The following MTMR4 variants were observed in gnomAD, a reference collection of about 807,000 sequenced individuals.
MTMR4 encodes the protein phosphatidylinositol-3,5-bisphosphate 3-phosphatase MTMR4.
Under a neutral mutation model 125.5 loss-of-function variants are expected in MTMR4, and 30 were observed. That is an observed-to-expected ratio of 0.24 (90% CI 0.18 to 0.32). MTMR4 has a LOEUF of 0.32. Ranked by LOEUF, MTMR4 falls within the 10% of genes least tolerant of loss-of-function variation. The pLI is 1.00. For synonymous variants in MTMR4, 498 were observed against 564.5 expected (o/e 0.88, Z 1.67); for missense variants, 1,039 against 1,511.5 (o/e 0.69, Z 5.18).
chr17:58,507,039 G>C (rs1975795459), intron 8 of MTMR4, 84 bp downstream of exon 8: 1 of 1,582,652 alleles, frequency 6.3e-7, no homozygotes. Context: ...CATCTTCCCA[G>C]ACTCTCACTG....
At position 58,508,217 on chromosome 17, in the gene MTMR4, C is replaced by T. The variant is rs776241961; in HGVS notation, c.651G>A (p.Glu217=). 1.9e-6 allele frequency: 3 copies of T among 1,613,928 alleles called. No individual in the cohort carries two copies. Among genetic ancestry groups the T allele is most frequent in the Non-Finnish European group, 8.5e-7 (1 of 1,180,002 alleles). Residue 217 remains glutamate (E), a synonymous_variant, in exon 7 of 18, where the codon GAG becomes GAA. Transcript: ENST00000682306. The surrounding 1 kb of genome is among the most constrained non-coding windows in gnomAD (Gnocchi z 4.8). ...AGCGGAAGGAAGCCACGTTCTCCAGCTCTTTGTCAGTGATCCACACAGGAA... is the reference window on the plus strand; with the variant it reads ...AGCGGAAGGAAGCCACGTTCTCCAGTTCTTTGTCAGTGATCCACACAGGAA... The part of the protein sequence containing the change: ...LLVPVWITDK[E]LENVASFRSW...
intron 14 of MTMR4, among the ~76,000 whole-genome samples, chr17:58,497,861 G>A (rs1821113480): frequency 6.6e-6 from 1 of 152,102 alleles, no homozygotes; most frequent in African/African-American, 2.4e-5. Context: ...CTAGGGATCT[G>A]TATTCTTTTA....
chr17:58,512,301 G>T lies in MTMR4; in HGVS notation c.252+89C>A. ...GCGCCCGGCCTCCAACTTTTTTAAT[G>T]ACATGATCAAGGACAGCCTTGGAAC... is the stretch of plus-strand genomic sequence containing the variant. On this transcript the variant is annotated intron_variant, in intron 3 of 17. Transcript: ENST00000682306. The surrounding 1 kb of genome is among the most constrained non-coding windows in gnomAD (Gnocchi z 4.1). 1 of 1,199,602 alleles carries T rather than the reference G, an allele frequency of 8.3e-7. No homozygotes were observed. The highest frequency in any genetic ancestry group is 1.2e-6 in the Non-Finnish European group (1 of 813,080). 74.3% of individuals were successfully genotyped at this position (1,199,602 alleles called of 1,614,324 possible).
At chr17:58,513,632 C>G (rs914171268) in intron 1 of MTMR4, among the ~76,000 whole-genome samples, 2 of 151,982 alleles carry the variant, frequency 1.3e-5, no homozygotes, top group Non-Finnish European at 2.9e-5. Flanking sequence ...TCCCAACCAC[C>G]AGGGAGGGGA....
At position 58,512,883 on chromosome 17, in the gene MTMR4, T is replaced by C. The variant is rs1333338404; in HGVS notation, c.104A>G (p.Lys35Arg). Reference protein sequence around the residue: ...YIQAKDLFPPKELVKEEENLQ... With the variant: ...YIQAKDLFPPRELVKEEENLQ... ...ATTCTCTTCCTCCTTCACTAGTTCC[T>C]TGGGGGGGAACAGATCCTTGGCTTG... Residue 35 changes from lysine to arginine, a missense_variant, in exon 2 of 18, where the codon AAG becomes AGG. Around this residue, in one of 6 missense-constraint regions of MTMR4, gnomAD observed 202 missense variants for 311.9 expected, o/e 0.65. Coordinates refer to ENST00000682306, the MANE Select transcript of MTMR4 (RefSeq NM_001378067.1). The surrounding 1 kb of genome is among the most constrained non-coding windows in gnomAD (Gnocchi z 4.1). The C allele has an allele frequency of 6.2e-6, 10 of 1,613,042 alleles. No homozygotes were observed. In the East Asian group the frequency reaches 6.7e-5, roughly 11 times the overall value.
chr17:58,501,674 A>G (rs556015589), intron 14 of MTMR4, among the ~76,000 whole-genome samples: 7 of 148,712 alleles, frequency 4.7e-5, no homozygotes, highest in East Asian at 1.9e-4. Context: ...ATATATGTGT[A>G]TATATATATA....
At position 58,512,310 on chromosome 17, in the gene MTMR4, A is replaced by C; in HGVS notation, c.252+80T>G. Reference sequence around the variant, plus strand: ...CTCCAACTTTTTTAATGACATGATCAAGGACAGCCTTGGAACAATCCCACC... The same window carrying C: ...CTCCAACTTTTTTAATGACATGATCCAGGACAGCCTTGGAACAATCCCACC... On this transcript the variant is annotated intron_variant, in intron 3 of 17. Coordinates refer to ENST00000682306, the MANE Select transcript of MTMR4 (RefSeq NM_001378067.1). This position sits in a 1 kb window ranked among gnomAD's most constrained non-coding sequence, Gnocchi z 4.1. The C allele has an allele frequency of 7.9e-7, 1 of 1,263,292 alleles. No individual in the cohort carries two copies. The highest frequency in any genetic ancestry group is 1.9e-4 in the Middle Eastern group (1 of 5,280). The allele number at this position is 1,263,292 out of a possible 1,614,324, so 78.3% of individuals were successfully genotyped here.
At chr17:58,505,015 G>A (rs1469206370) in intron 10 of MTMR4, 41 bp from the exon 11 acceptor site, 2 of 1,552,002 alleles carry the variant, frequency 1.3e-6, no homozygotes, top group Non-Finnish European at 1.7e-6. Context: ...AAAGGGTGCT[G>A]AGGCCACAGC....
intron 14 of MTMR4, 54 bp from the exon 15 acceptor site, chr17:58,496,384 A>G (rs1241530000): frequency 1.4e-6 from 2 of 1,428,720 alleles, no homozygotes; most frequent in Non-Finnish European, 9.5e-7. Flanking sequence ...TTGCAATACA[A>G]TATATGGAAC....
In MTMR4 at chr17:58,495,122, A is replaced by G; in HGVS notation, c.3062T>C (p.Leu1021Pro). ...PLNCPSPVPP[L>P]YLDDDGLPFP... ...GGGGAGTCCATCATCATCCAAATACAGAGGAGGCACTGGAGAAGGGCAGTT... is the reference window on the plus strand; with the variant it reads ...GGGGAGTCCATCATCATCCAAATACGGAGGAGGCACTGGAGAAGGGCAGTT... Residue 1021 changes from leucine to proline, a missense_variant, in exon 15 of 18, where the codon CTG becomes CCG. Leu to Pro is a moderately conservative substitution (Grantham distance 98). This residue lies in a region of MTMR4 where 619 missense variants were observed against 714.5 expected (regional missense o/e 0.87). Coordinates refer to ENST00000682306, the MANE Select transcript of MTMR4 (RefSeq NM_001378067.1). 1.9e-6 allele frequency: 3 copies of G among 1,614,236 alleles called. No individual in the cohort carries two copies. The highest frequency in any genetic ancestry group is 2.5e-6 in the Non-Finnish European group (3 of 1,180,038).
chr17:58,512,357 G>C lies in MTMR4; in HGVS notation c.252+33C>G, dbSNP rs749725403. The C allele has an allele frequency of 6.6e-7, 1 of 1,519,224 alleles. No homozygotes were observed. The highest frequency in any genetic ancestry group is 1.7e-5 in the Admixed American group (1 of 59,910). 94.1% of individuals were successfully genotyped at this position (1,519,224 alleles called of 1,614,324 possible). A position where few individuals can be genotyped will look rare whatever the true frequency, so the allele number is the denominator to read the frequency against. On this transcript the variant is annotated intron_variant, in intron 3 of 17. Coordinates refer to ENST00000682306, the MANE Select transcript of MTMR4 (RefSeq NM_001378067.1). This position sits in a 1 kb window ranked among gnomAD's most constrained non-coding sequence, Gnocchi z 4.1. Reference sequence around the variant, plus strand: ...CACCTTGAACTTCATAGGGATTCTAGCTTAGGGGTAGGAGAACAATACAGA... The same window carrying C: ...CACCTTGAACTTCATAGGGATTCTACCTTAGGGGTAGGAGAACAATACAGA...
Position 58,512,789 on chromosome 17 carries a change from AG to A in MTMR4, c.135+62del. On this transcript the variant is annotated intron_variant, in intron 2 of 17. Coordinates refer to ENST00000682306, the MANE Select transcript of MTMR4 (RefSeq NM_001378067.1). This position sits in a 1 kb window ranked among gnomAD's most constrained non-coding sequence, Gnocchi z 4.1. ...GATGCCCTTGAGGATTTTTGGGAGA[AG>A]GGAGGGTGTTTTTTAACTGGGCAGG... 1 of 1,408,548 alleles carries A rather than the reference AG, an allele frequency of 7.1e-7. No homozygotes were observed. Among genetic ancestry groups the A allele is most frequent in the South Asian group, 1.2e-5 (1 of 85,336 alleles). 87.3% of individuals were successfully genotyped at this position (1,408,548 alleles called of 1,614,324 possible). A position where few individuals can be genotyped will look rare whatever the true frequency, so the allele number is the denominator to read the frequency against.
chr17:58,510,440 A>G (rs914837703), intron 4 of MTMR4, among the ~76,000 whole-genome samples: 9 of 151,788 alleles, frequency 5.9e-5, no homozygotes, highest in African/African-American at 2.2e-4. Context: ...TCAAGTCTTG[A>G]CTCGACTGCC....
In MTMR4 at chr17:58,495,555, T is replaced by A. The variant is rs1445070677; in HGVS notation, c.2629A>T (p.Ile877Phe). 6.2e-7 allele frequency: 1 copy of A among 1,614,220 alleles called. No homozygotes were observed. The highest frequency in any genetic ancestry group is 1.1e-5 in the South Asian group (1 of 91,088). Reference sequence around the variant, plus strand: ...TTCCTATTATTTCCTCTTTTACCAATGTCTTCCTCCCCATGGGTCAGATCC... The same window carrying A: ...TTCCTATTATTTCCTCTTTTACCAAAGTCTTCCTCCCCATGGGTCAGATCC... ...VPDLTHGEED[I>F]GKRGNNRNGQ... The change falls in exon 15 of 18, where the codon ATT (isoleucine) becomes TTT (phenylalanine). Residue 877 changes from isoleucine to phenylalanine, a missense_variant. By Grantham distance (21) the Ile-to-Phe change is conservative. This residue lies in a region of MTMR4 where 619 missense variants were observed against 714.5 expected (regional missense o/e 0.87). Coordinates refer to ENST00000682306, the MANE Select transcript of MTMR4 (RefSeq NM_001378067.1).
intron 8 of MTMR4, 123 bp downstream of exon 8, chr17:58,507,000 G>C: frequency 1.8e-5 from 28 of 1,550,826 alleles, no homozygotes; most frequent in Non-Finnish European, 2.5e-5. Flanking sequence ...CTTCTGACAA[G>C]GCAGGGACCC....
intron 14 of MTMR4, among the ~76,000 whole-genome samples, chr17:58,500,038 T>G (rs1009486442): frequency 1.3e-5 from 2 of 152,200 alleles, no homozygotes; most frequent in Non-Finnish European, 1.5e-5. Context: ...CCCACAGTTC[T>G]TGTCTGGTCC....
rs560038747 is a variant in MTMR4 at position 58,507,052 on chromosome 17, G to A, written c.904+71C>T. On this transcript the variant is annotated intron_variant, in intron 8 of 17. Transcript: ENST00000682306. ...GTCATCTTCCCAGACTCTCACTGGG[G>A]ACTCCCTGGGAGCCAATGAAGCCAA... 76 of 1,585,048 alleles carry A rather than the reference G, an allele frequency of 4.8e-5. No homozygotes were observed. The South Asian group carries it at 7.4e-4, about 16-fold the overall frequency.
chr17:58,500,752 A>T (rs1478836568), intron 14 of MTMR4, among the ~76,000 whole-genome samples: 1 of 98,606 alleles, frequency 1.0e-5, no homozygotes, highest in African/African-American at 3.5e-5. Context: ...TGTCTCAAAA[A>T]AAAAAAAAAA....
chr17:58,516,586 AC>A (rs1976090766), upstream of MTMR4: 1 of 1,614,042 alleles, frequency 6.2e-7, no homozygotes. Context: ...TCACCATTCT[AC>A]CGTGGCAAGG....
Sources: gnomAD v4.1 joint callset for allele counts (sites outside exome capture counted in the v4.1 genomes callset) on GRCh38, gnomAD v4.1.1 for gene constraint, gnomAD v4.1.1 regional missense constraint, Gnocchi (gnomAD v3.1) non-coding constraint, MANE v1.5 for transcripts, NCBI Gene and HGNC (gene_info 2026-07-23, HGNC 2026-07-21) for gene names.